The following TRAPPC11 variants were observed in gnomAD, a reference collection of about 807,000 sequenced individuals.
TRAPPC11 encodes the protein trafficking protein particle complex subunit 11.
Under a neutral mutation model 151.2 loss-of-function variants are expected in TRAPPC11, and 104 were observed. That is an observed-to-expected ratio of 0.69 (90% CI 0.59 to 0.81). The LOEUF (loss-of-function observed/expected upper bound fraction) is 0.81, where lower values mean the gene tolerates loss of function less well. Ranked by LOEUF, TRAPPC11 falls within the 30% of genes least tolerant of loss-of-function variation. The pLI, the probability that TRAPPC11 is intolerant of heterozygous loss-of-function variation, is 0.00. For missense variants in TRAPPC11, 1,230 were observed against 1,349.6 expected (o/e 0.91, Z 1.39); for synonymous variants, 456 against 472.3 (o/e 0.97, Z 0.45).
rs115594609 is a variant in TRAPPC11, at chr4:183,693,486, C to T, written c.2238-103C>T. On this transcript the variant is annotated intron_variant, in intron 20 of 29. Coordinates refer to ENST00000334690, the MANE Select transcript of TRAPPC11 (RefSeq NM_021942.6). Reference sequence around the variant, plus strand: ...CTCCCAAAATGCTGGGATTACAGGCCTGAGCCTCTGCACCCAGCCTCTTAT... The same window carrying T: ...CTCCCAAAATGCTGGGATTACAGGCTTGAGCCTCTGCACCCAGCCTCTTAT... 2.1e-3 allele frequency: 2,729 copies of T among 1,287,508 alleles called. 51 individuals carry two copies. In the African/African-American group the frequency reaches 0.037, roughly 18 times the overall value. 79.8% of individuals were successfully genotyped at this position (1,287,508 alleles called of 1,614,324 possible).
chr4:183,712,569 G>T, intron 29 of TRAPPC11, 31 bp from the exon 30 acceptor site: 1 of 1,608,510 alleles, frequency 6.2e-7, no homozygotes, highest in Non-Finnish European at 8.5e-7. Flanking sequence ...TTATAATTTT[G>T]TAAACCCACT....
In TRAPPC11 at chr4:183,694,671, A is replaced by C. The variant is rs1561054553; in HGVS notation, c.2576A>C (p.Tyr859Ser). The C allele has an allele frequency of 6.2e-7, 1 of 1,610,418 alleles. No homozygotes were observed. Residue 859 changes from tyrosine to serine, a missense_variant, in exon 23 of 30, where the codon TAC becomes TCC. Tyr to Ser is a moderately radical substitution (Grantham distance 144). Coordinates refer to ENST00000334690, the MANE Select transcript of TRAPPC11 (RefSeq NM_021942.6). The part of the protein sequence containing the change: ...GSRMFLVYVS[Y>S]LINTTVEEKE... ...AGAATGTTTCTTGTATATGTTTCTT[A>C]CCTGATAAATACAACCGTTGAAGAA...
At position 183,692,882 on chromosome 4, in the gene TRAPPC11, C is replaced by T. The variant is rs930397010; in HGVS notation, c.2050-78C>T. The T allele has an allele frequency of 6.0e-6, 8 of 1,339,262 alleles. No homozygotes were observed. The Admixed American group carries it at 6.4e-5, about 11-fold the overall frequency. 83.0% of individuals were successfully genotyped at this position (1,339,262 alleles called of 1,614,324 possible). A position where few individuals can be genotyped will look rare whatever the true frequency, so the allele number is the denominator to read the frequency against. ...TGAACTCCATGGTCTTAGCAGTCGA[C>T]GATGTAATTTTGGTGAGAGGAGATG... On this transcript the variant is annotated intron_variant, in intron 19 of 29. Coordinates refer to ENST00000334690, the MANE Select transcript of TRAPPC11 (RefSeq NM_021942.6).
chr4:183,691,194 T>C (rs932544516), intron 18 of TRAPPC11, 122 bp from the exon 19 acceptor site: 1 of 728,354 alleles, frequency 1.4e-6, no homozygotes, highest in African/African-American at 1.8e-5. Flanking sequence ...ATACTTCCTT[T>C]TATTAGTAAC....
At chr4:183,688,193 C>A (rs1271514137) in intron 18 of TRAPPC11, among the ~76,000 whole-genome samples, 1 of 151,954 alleles carries the variant, frequency 6.6e-6, no homozygotes, top group East Asian at 1.9e-4. Context: ...TCAAAGATTG[C>A]CCAAATAGGT....
chr4:183,693,178 G>A (rs1370101011), intron 20 of TRAPPC11, 31 bp downstream of exon 20: 1 of 1,538,748 alleles, frequency 6.5e-7, no homozygotes, highest in Non-Finnish European at 8.8e-7. Context: ...TGATATTAAA[G>A]GTCATCCTCT....
intron 18 of TRAPPC11, among the ~76,000 whole-genome samples, chr4:183,689,391 T>C (rs750651446): frequency 6.6e-6 from 1 of 152,038 alleles, no homozygotes; most frequent in Non-Finnish European, 1.5e-5. Flanking sequence ...CTTTTCTCAC[T>C]TAAAAGCATC....
chr4:183,683,660 C>G (rs1350542152), intron 11 of TRAPPC11, among the ~76,000 whole-genome samples: 1 of 151,276 alleles, frequency 6.6e-6, no homozygotes. Flanking sequence ...GATCCCGTCT[C>G]AAAAAAAGAA....
At chr4:183,682,307 A>G (rs72693605) in intron 10 of TRAPPC11, among the ~76,000 whole-genome samples, 2,407 of 152,340 alleles carry the variant, frequency 0.016, 27 homozygotes, top group Non-Finnish European at 0.024. Flanking sequence ...TGCCAAAAAT[A>G]TTCCCCCACA....
At chr4:183,680,660 G>T (rs1309519490) in intron 10 of TRAPPC11, among the ~76,000 whole-genome samples, 1 of 140,126 alleles carries the variant, frequency 7.1e-6, no homozygotes, top group Non-Finnish European at 1.5e-5. Flanking sequence ...TCTTCCTGGG[G>T]TTTTCCTGTA....
intron 2 of TRAPPC11, among the ~76,000 whole-genome samples, chr4:183,665,326 C>T (rs1053032820): frequency 5.3e-5 from 8 of 152,036 alleles, no homozygotes; most frequent in African/African-American, 1.7e-4. Context: ...GATCTCCTGA[C>T]CTCGTGATCT....
intron 26 of TRAPPC11, among the ~76,000 whole-genome samples, chr4:183,702,576 GA>G (rs1385678450): frequency 6.6e-6 from 1 of 152,110 alleles, no homozygotes; most frequent in Non-Finnish European, 1.5e-5. Context: ...ATATGCCATT[GA>G]AAAACATGCT....
chr4:183,707,083 T>G (rs1394327592), intron 28 of TRAPPC11, 143 bp downstream of exon 28: 2 of 955,984 alleles, frequency 2.1e-6, no homozygotes, highest in Non-Finnish European at 2.9e-6. Flanking sequence ...TTTAAGCACC[T>G]TAAGTACAGC....
intron 28 of TRAPPC11, among the ~76,000 whole-genome samples, chr4:183,707,638 A>G (rs1052536476): frequency 6.6e-6 from 1 of 152,224 alleles, no homozygotes; most frequent in African/African-American, 2.4e-5. Context: ...GGAAGTGTCT[A>G]TCCTGACTAA....
chr4:183,677,921 C>T (rs903069860), intron 8 of TRAPPC11, among the ~76,000 whole-genome samples: 45 of 148,924 alleles, frequency 3.0e-4, no homozygotes, highest in African/African-American at 1.1e-3. Context: ...AAAGAAGTGT[C>T]TATTCACCTT....
chr4:183,668,420 T>C (rs1224420689), intron 5 of TRAPPC11, among the ~76,000 whole-genome samples: 1 of 152,212 alleles, frequency 6.6e-6, no homozygotes. Context: ...AACATAAATG[T>C]GCTCATATGA....
intron 1 of TRAPPC11, among the ~76,000 whole-genome samples, 163 bp downstream of exon 1, chr4:183,659,610 G>A (rs1459881179): frequency 1.3e-5 from 2 of 152,320 alleles, no homozygotes; most frequent in South Asian, 4.1e-4. Context: ...CCGTTTCTAG[G>A]GCCTCCCAGG....
chr4:183,686,918 C>T (rs543549705), intron 18 of TRAPPC11, among the ~76,000 whole-genome samples, 170 bp downstream of exon 18: 5 of 152,272 alleles, frequency 3.3e-5, no homozygotes, highest in African/African-American at 1.2e-4. Context: ...CAGTGGCTCA[C>T]GCCTGTAATC....
intron 8 of TRAPPC11, 42 bp from the exon 9 acceptor site, chr4:183,679,311 T>G: frequency 1.3e-6 from 2 of 1,514,468 alleles, no homozygotes; most frequent in African/African-American, 1.4e-5. Context: ...CTTTTGACTT[T>G]CTTTTTTTCC....
Sources: allele counts gnomAD v4.1 joint callset (sites outside exome capture counted in the v4.1 genomes callset), GRCh38; gene constraint gnomAD v4.1.1; transcripts MANE v1.5; gene names NCBI Gene and HGNC (gene_info 2026-07-23, HGNC 2026-07-21).